Variants in SORCS2 observed in about 807,000 individuals in gnomAD.
SORCS2 encodes the protein sortilin related VPS10 domain containing receptor 2.
A neutral mutation model predicts 141.6 loss-of-function variants in SORCS2; 100 were observed. That is an observed-to-expected ratio of 0.71 (90% CI 0.60 to 0.83). The LOEUF (loss-of-function observed/expected upper bound fraction) is 0.83, where lower values mean the gene tolerates loss of function less well. Among genes scored for constraint, SORCS2 ranks in the 40% least tolerant of loss-of-function variants. The pLI, the probability that SORCS2 is intolerant of heterozygous loss-of-function variation, is 0.00. For missense variants in SORCS2, 1,646 were observed against 1,560.2 expected (o/e 1.05, Z -0.93); for synonymous variants, 789 against 676.9 (o/e 1.17, Z -2.57).
chr4:7,724,142 ATGG>A (rs1224969126), intron 19 of SORCS2, among the ~76,000 whole-genome samples: 3 of 99,402 alleles, frequency 3.0e-5, no homozygotes, highest in South Asian at 2.9e-4. Context: ...GGTGGTGGTG[ATGG>A]TCGTGGTGGT....
intron 3 of SORCS2, among the ~76,000 whole-genome samples, chr4:7,556,326 G>A (rs1397855839): frequency 1.3e-5 from 2 of 152,146 alleles, no homozygotes; most frequent in Admixed American, 1.3e-4. Flanking sequence ...GTGCCTCGAG[G>A]CATCTGAGTG....
intron 1 of SORCS2, among the ~76,000 whole-genome samples, chr4:7,223,631 A>T (rs1366814311): frequency 6.6e-6 from 1 of 152,020 alleles, no homozygotes; most frequent in Non-Finnish European, 1.5e-5. Context: ...GCCCATACGG[A>T]TGTTCTCTAG....
intron 1 of SORCS2, among the ~76,000 whole-genome samples, chr4:7,207,523 C>T (rs921223487): frequency 1.3e-5 from 2 of 152,180 alleles, no homozygotes; most frequent in Non-Finnish European, 2.9e-5. Context: ...GGGGCCGGCT[C>T]CCCAGTCCTC....
chr4:7,255,860 TGGAGCGTGGGGCCCCGGGGC>T (rs1713826149), intron 1 of SORCS2, among the ~76,000 whole-genome samples: 2 of 9,270 alleles, frequency 2.2e-4, no homozygotes, highest in Admixed American at 1.2e-3. Context: ...GACCCGGGGC[TGGAGCGTGGGGCCCCGGGGC>T]TGGAGCGTGG....
chr4:7,653,148 C>T (rs1167835119), intron 4 of SORCS2, among the ~76,000 whole-genome samples: 2 of 152,242 alleles, frequency 1.3e-5, no homozygotes, highest in African/African-American at 4.8e-5. Flanking sequence ...CTGAGAACCC[C>T]TCCCGAGGGC....
intron 1 of SORCS2, among the ~76,000 whole-genome samples, chr4:7,373,092 C>T (rs1165370666): frequency 6.7e-6 from 1 of 148,802 alleles, no homozygotes; most frequent in Non-Finnish European, 1.5e-5. Context: ...CTTCATTGCT[C>T]TTAAATACGT....
intron 1 of SORCS2, among the ~76,000 whole-genome samples, chr4:7,225,891 G>C (rs1728961782): frequency 6.6e-6 from 1 of 152,182 alleles, no homozygotes; most frequent in African/African-American, 2.4e-5. Flanking sequence ...CAGAGGCTGT[G>C]TGGCCTTTTG....
At chr4:7,522,407 T>C (rs930855404) in intron 2 of SORCS2, among the ~76,000 whole-genome samples, 2 of 152,272 alleles carry the variant, frequency 1.3e-5, no homozygotes, top group Non-Finnish European at 2.9e-5. Context: ...TGTTTCTATT[T>C]GCCCGTTTTT....
intron 8 of SORCS2, among the ~76,000 whole-genome samples, chr4:7,673,743 G>T (rs1385794287): frequency 6.6e-6 from 1 of 152,114 alleles, no homozygotes; most frequent in Non-Finnish European, 1.5e-5. Flanking sequence ...TTACCCAGGG[G>T]CATAGGAGGC....
At position 7,600,595 on chromosome 4, in the gene SORCS2, C is replaced by T. The variant is rs904971696; in HGVS notation, c.649-37733C>T. Among the ~76,000 whole-genome samples the T allele has an allele frequency of 6.6e-5, 10 of 151,788 alleles. No homozygotes were observed. The South Asian group carries it at 8.4e-4, about 13-fold the overall frequency. On this transcript the variant is annotated intron_variant, in intron 3 of 26. Transcript: ENST00000507866. ...GGGAAACCTGGGAGCATTGCTAACC[C>T]GGGGTCCGGTAGAGGGAATTCCTAG...
At chr4:7,552,351 C>G (rs1713775777) in intron 3 of SORCS2, among the ~76,000 whole-genome samples, 1 of 152,126 alleles carries the variant, frequency 6.6e-6, no homozygotes, top group Non-Finnish European at 1.5e-5. Context: ...GGGGCACCAG[C>G]ACTTTCAGCA....
chr4:7,640,756 A>T (rs186418499), intron 4 of SORCS2, among the ~76,000 whole-genome samples: 57 of 152,118 alleles, frequency 3.7e-4, no homozygotes, highest in Admixed American at 9.8e-4. Flanking sequence ...GCCCAACAGG[A>T]GGTGTGGGCT....
rs115548998 is a variant in SORCS2 at position 7,731,664 on chromosome 4, G to A, written c.3109-1658G>A. Among the ~76,000 whole-genome samples the A allele has an allele frequency of 5.6e-3, 855 of 152,264 alleles. 12 individuals carry two copies. Among genetic ancestry groups the A allele is most frequent in the African/African-American group, 0.02 (811 of 41,548 alleles). On this transcript the variant is annotated intron_variant, in intron 23 of 26. Transcript: ENST00000507866. The stretch of plus-strand genomic sequence containing the variant: ...AGAGCCCAGAAATAAATCCATACAT[G>A]TACGGTCAATTGATTTTCAATAAAG...
intron 1 of SORCS2, among the ~76,000 whole-genome samples, chr4:7,287,675 A>G (rs1441142338): frequency 2.0e-5 from 3 of 152,326 alleles, no homozygotes; most frequent in East Asian, 1.9e-4. Context: ...GGAGATGACA[A>G]TACTGGCATT....
chr4:7,552,994 C>T (rs4637403), intron 3 of SORCS2, among the ~76,000 whole-genome samples: 27 of 151,902 alleles, frequency 1.8e-4, no homozygotes, highest in Non-Finnish European at 3.5e-4. Context: ...GTGGAGTGAT[C>T]GTAAGACAAT....
At chr4:7,579,538 C>T (rs1716001424) in intron 3 of SORCS2, among the ~76,000 whole-genome samples, 1 of 152,190 alleles carries the variant, frequency 6.6e-6, no homozygotes, top group African/African-American at 2.4e-5. Context: ...GGTCCTCCGA[C>T]CTCCTTTGGC....
chr4:7,582,427 G>A (rs145981784), intron 3 of SORCS2, among the ~76,000 whole-genome samples: 64 of 152,254 alleles, frequency 4.2e-4, no homozygotes, highest in African/African-American at 1.4e-3. Context: ...ATTTTACATC[G>A]TCAAATACAA....
chr4:7,397,969 C>T lies in SORCS2; in HGVS notation c.548+1614C>T, dbSNP rs561801953. On this transcript the variant is annotated intron_variant, in intron 2 of 26. Coordinates refer to ENST00000507866, the MANE Select transcript of SORCS2 (RefSeq NM_020777.3). ...GCATGGAGGGATCTGCCTGGGGATA[C>T]CCGCCTCACAAGTTTCCAGAGTACC... 1.4e-3 allele frequency among the ~76,000 whole-genome samples: 206 copies of T among 152,370 alleles called. 1 individual carries two copies. The highest frequency in any genetic ancestry group is 4.8e-3 in the African/African-American group (198 of 41,596).
At chr4:7,576,889 A>G (rs1486146060) in intron 3 of SORCS2, among the ~76,000 whole-genome samples, 1 of 152,178 alleles carries the variant, frequency 6.6e-6, no homozygotes, top group Non-Finnish European at 1.5e-5. Context: ...ACTCAGTTCT[A>G]TTCAATTTTA....
Sources: gnomAD v4.1 joint callset for allele counts (sites outside exome capture counted in the v4.1 genomes callset) on GRCh38, gnomAD v4.1.1 for gene constraint, MANE v1.5 for transcripts, NCBI Gene and HGNC (gene_info 2026-07-23, HGNC 2026-07-21) for gene names.